The following GRIK5 variants were observed in gnomAD, a reference collection of about 807,000 sequenced individuals.
The protein encoded by GRIK5 is glutamate receptor ionotropic, kainate 5.
A neutral mutation model predicts 97.4 loss-of-function variants in GRIK5; 43 were observed. That is an observed-to-expected ratio of 0.44 (90% CI 0.35 to 0.57). The LOEUF (loss-of-function observed/expected upper bound fraction) is 0.57, where lower values mean the gene tolerates loss of function less well. Ranked by LOEUF, GRIK5 falls within the 20% of genes least tolerant of loss-of-function variation. The pLI is 0.01. For missense variants in GRIK5, 1,015 were observed against 1,382.0 expected, an observed-to-expected ratio of 0.73 and a Z score of 4.21; for synonymous variants, 580 against 583.5, an observed-to-expected ratio of 0.99 and a Z score of 0.09.
At chr19:42,040,366 G>T (rs1013952624) in intron 12 of GRIK5, among the ~76,000 whole-genome samples, 2 of 152,208 alleles carry the variant, frequency 1.3e-5, no homozygotes, top group African/African-American at 4.8e-5. Flanking sequence ...AGTGACTTCA[G>T]GTGCAGGGCT....
rs557747683 is a variant in GRIK5, at chr19:42,000,664, C to T, written c.2515-1365G>A. 9.9e-5 allele frequency among the ~76,000 whole-genome samples: 15 copies of T among 152,282 alleles called. No individual in the cohort carries two copies. In the East Asian group the frequency reaches 2.5e-3, roughly 25 times the overall value. On this transcript the variant is annotated intron_variant, in intron 19 of 19. Coordinates refer to ENST00000593562, the MANE Select transcript of GRIK5 (RefSeq NM_002088.5). Reference sequence around the variant, plus strand: ...AGGCAGCCTTCAAGATCCCACCTCCCGCGTCCACGCCCCTGTGTAATCCCC... The same window carrying T: ...AGGCAGCCTTCAAGATCCCACCTCCTGCGTCCACGCCCCTGTGTAATCCCC...
At chr19:42,047,454 A>G (rs1026275606) in intron 11 of GRIK5, among the ~76,000 whole-genome samples, 3 of 152,026 alleles carry the variant, frequency 2.0e-5, no homozygotes, top group Non-Finnish European at 4.4e-5. Context: ...GAAAAGCAAA[A>G]CTGGGGGTTT....
intron 12 of GRIK5, among the ~76,000 whole-genome samples, chr19:42,033,768 AG>A (rs2075868482): frequency 6.6e-6 from 1 of 152,180 alleles, no homozygotes; most frequent in Non-Finnish European, 1.5e-5. Flanking sequence ...TGGGGGGCCA[AG>A]GGAGATGGAT....
At chr19:42,052,733 G>A (rs191141327) in intron 11 of GRIK5, among the ~76,000 whole-genome samples, 18 of 152,060 alleles carry the variant, frequency 1.2e-4, no homozygotes, top group African/African-American at 9.6e-5. Context: ...CAGGCCAGCC[G>A]CTTGGGGAAG....
At chr19:42,010,067 A>G (rs1599751939) in intron 15 of GRIK5, among the ~76,000 whole-genome samples, 1 of 1,776 alleles carries the variant, frequency 5.6e-4, no homozygotes, top group Admixed American at 3.6e-3. Context: ...ACTCCATCTC[A>G]AAAAAAAAAA....
At chr19:42,064,896 G>A (rs74316681) in intron 3 of GRIK5, among the ~76,000 whole-genome samples, 3,618 of 152,254 alleles carry the variant, frequency 0.024, 137 homozygotes, top group African/African-American at 0.082. Context: ...GCTGACCCTC[G>A]CCCAAGCCTC....
At chr19:42,047,705 C>G (rs1189498800) in intron 11 of GRIK5, among the ~76,000 whole-genome samples, 2 of 152,102 alleles carry the variant, frequency 1.3e-5, no homozygotes, top group Non-Finnish European at 2.9e-5. Context: ...TGCGGTGGAT[C>G]ATGCCTGTAA....
chr19:42,057,406 CTG>C (rs1491211785), intron 6 of GRIK5, among the ~76,000 whole-genome samples: 1 of 151,402 alleles, frequency 6.6e-6, no homozygotes, highest in East Asian at 1.9e-4. Flanking sequence ...AGATCTTGCT[CTG>C]TCACTCAGGC....
In GRIK5 at chr19:42,056,655, T is replaced by C; in HGVS notation, c.903+7A>G. 6.2e-7 allele frequency: 1 copy of C among 1,613,388 alleles called. No homozygotes were observed. The highest frequency in any genetic ancestry group is 2.2e-5 in the East Asian group (1 of 44,884). ...TTCTGGGTGTGACTGGGTATCTGTG[T>C]GCTCACCGCAGGGCCCAGGTAGGTG... On this transcript the variant is annotated splice_region_variant and intron_variant, in intron 8 of 19. Transcript: ENST00000593562.
intron 12 of GRIK5, among the ~76,000 whole-genome samples, chr19:42,034,378 A>C (rs2075876522): frequency 6.6e-6 from 1 of 152,084 alleles, no homozygotes; most frequent in Non-Finnish European, 1.5e-5. Context: ...TGTTTCAAAA[A>C]CTAAAAAATA....
chr19:42,011,287 TTACGCC>T (rs982777166), intron 15 of GRIK5, among the ~76,000 whole-genome samples: 8 of 151,868 alleles, frequency 5.3e-5, no homozygotes, highest in Non-Finnish European at 8.8e-5. Context: ...GTGCGGTGGT[TTACGCC>T]TGTAATCCCA....
At chr19:42,010,839 A>G (rs2075552658) in intron 15 of GRIK5, among the ~76,000 whole-genome samples, 1 of 152,118 alleles carries the variant, frequency 6.6e-6, no homozygotes, top group Non-Finnish European at 1.5e-5. Flanking sequence ...TGTTTTTGAG[A>G]CAGGGTCCTG....
At chr19:42,068,315 G>A (rs545281475) in intron 1 of GRIK5, among the ~76,000 whole-genome samples, 204 of 152,304 alleles carry the variant, frequency 1.3e-3, no homozygotes, top group African/African-American at 3.4e-3. Flanking sequence ...AATGCCGTGT[G>A]GGGGAGCAGG....
At chr19:42,068,095 A>C (rs954359976) in intron 1 of GRIK5, among the ~76,000 whole-genome samples, 2 of 152,148 alleles carry the variant, frequency 1.3e-5, no homozygotes, top group African/African-American at 4.8e-5. Flanking sequence ...TCGGAAAGAG[A>C]GACAGTATGT....
In GRIK5 at chr19:42,060,616, C is replaced by T. The variant is rs115664996; in HGVS notation, c.509-1089G>A. ...TTTAACCATCCAGCCCACAGCTCCT[C>T]CTCTCCCCATCACTCACTCTCTGGG... is the stretch of plus-strand genomic sequence containing the variant. On this transcript the variant is annotated intron_variant, in intron 5 of 19. Coordinates refer to ENST00000593562, the MANE Select transcript of GRIK5 (RefSeq NM_002088.5). Among the ~76,000 whole-genome samples the T allele has an allele frequency of 1.5e-3, 235 of 151,658 alleles. 2 individuals carry two copies. In the Middle Eastern group the frequency reaches 0.017, roughly 11 times the overall value.
chr19:42,051,410 C>T (rs2076115439), intron 11 of GRIK5, among the ~76,000 whole-genome samples: 1 of 152,150 alleles, frequency 6.6e-6, no homozygotes, highest in Non-Finnish European at 1.5e-5. Context: ...AGCAGCATCC[C>T]TCATGGGCCA....
intron 12 of GRIK5, among the ~76,000 whole-genome samples, chr19:42,024,232 A>C (rs976160624): frequency 1.8e-4 from 21 of 118,464 alleles, no homozygotes; most frequent in Non-Finnish European, 3.3e-4. Flanking sequence ...TTTTTTTTTG[A>C]GATGGAGTCT....
chr19:42,003,478 G>GCGAAGGGAGTTGGGGC lies in GRIK5; in HGVS notation c.2393-26_2393-25insGCCCCAACTCCCTTCG. 1.2e-6 allele frequency: 2 copies of GCGAAGGGAGTTGGGGC among 1,612,346 alleles called. No homozygotes were observed. The highest frequency in any genetic ancestry group is 1.7e-6 in the Non-Finnish European group (2 of 1,178,702). ...CCTGGAGGGCGAAGGGAGTTGGGGG[G>GCGAAGGGAGTTGGGGC]CAAAGGGAGTTGGGGCTGTGTGGGA... On this transcript the variant is annotated intron_variant, in intron 18 of 19. Transcript: ENST00000593562. The surrounding 1 kb of genome is among the most constrained non-coding windows in gnomAD (Gnocchi z 4.2).
At chr19:42,033,581 C>T (rs1013228425) in intron 12 of GRIK5, among the ~76,000 whole-genome samples, 3 of 151,962 alleles carry the variant, frequency 2.0e-5, no homozygotes, top group South Asian at 2.1e-4. Flanking sequence ...GTTATGAAAA[C>T]GTTTTGGAGC....
Sources: gnomAD v4.1 joint callset for allele counts (sites outside exome capture counted in the v4.1 genomes callset) on GRCh38, gnomAD v4.1.1 for gene constraint, Gnocchi (gnomAD v3.1) non-coding constraint, MANE v1.5 for transcripts, NCBI Gene and HGNC (gene_info 2026-07-23, HGNC 2026-07-21) for gene names.